GFI1: variants seen among roughly 807,000 people sequenced by gnomAD.
GFI1 encodes the protein zinc finger protein Gfi-1.
Under a neutral mutation model 39.2 loss-of-function variants are expected in GFI1, and 15 were observed. That is an observed-to-expected ratio of 0.38 (90% CI 0.26 to 0.59). GFI1 has a LOEUF of 0.59. GFI1 is among the 20% of genes least tolerant of loss of function. The pLI is 0.62. For missense variants in GFI1, 475 were observed against 574.0 expected, an observed-to-expected ratio of 0.83 and a Z score of 1.76; for synonymous variants, 239 against 254.3, an observed-to-expected ratio of 0.94 and a Z score of 0.57.
In GFI1 at chr1:92,478,501, C is replaced by T. The variant is rs545182784; in HGVS notation, c.1090+87G>A. On this transcript the variant is annotated intron_variant, in intron 6 of 6. Coordinates refer to ENST00000294702, the MANE Select transcript of GFI1 (RefSeq NM_005263.5). ...ATAACTCCATCAGAAAGGCCTCATC[C>T]ACCACTCACTGGGGCCAGAAATCAG... 7 of 1,142,842 alleles carry T rather than the reference C, an allele frequency of 6.1e-6. No homozygotes were observed. The Middle Eastern group carries it at 5.9e-4, about 96-fold the overall frequency. The allele number at this position is 1,142,842 out of a possible 1,614,324, so 70.8% of individuals were successfully genotyped here.
At position 92,473,415 on chromosome 1, in the gene GFI1, T is replaced by G. The variant is rs1657818288; in HGVS notation, c.*2614A>C. On this transcript the variant is annotated 3_prime_UTR_variant, in exon 7 of 7. Coordinates refer to ENST00000294702, the MANE Select transcript of GFI1 (RefSeq NM_005263.5). Reference sequence around the variant, plus strand: ...GGGTGACTTCTGTGGGAAGGATGTTTTTGTCATTTTCATTCACTGGGAGGA... The same window carrying G: ...GGGTGACTTCTGTGGGAAGGATGTTGTTGTCATTTTCATTCACTGGGAGGA... Among the ~76,000 whole-genome samples, 1 of 152,138 alleles carries G rather than the reference T, an allele frequency of 6.6e-6. No individual in the cohort carries two copies. Among genetic ancestry groups the G allele is most frequent in the Non-Finnish European group, 1.5e-5 (1 of 68,024 alleles).
In GFI1 at chr1:92,484,893, C is replaced by T. The variant is rs1340386701; in HGVS notation, c.-99-1307G>A. Among the ~76,000 whole-genome samples, 1 of 152,220 alleles carries T rather than the reference C, an allele frequency of 6.6e-6. No homozygotes were observed. The highest frequency in any genetic ancestry group is 6.5e-5 in the Admixed American group (1 of 15,292). ...AACGAGGGTGCTGGGAACTCTGGGC[C>T]GGGGCAGGACCTGCAGTCCTCCGGC... On this transcript the variant is annotated intron_variant, in intron 1 of 6. Transcript: ENST00000294702. This position sits in a 1 kb window ranked among gnomAD's most constrained non-coding sequence, Gnocchi z 4.1.
At chr1:92,479,907 G>T (rs1391854877) in intron 5 of GFI1, among the ~76,000 whole-genome samples, 1 of 151,916 alleles carries the variant, frequency 6.6e-6, no homozygotes, top group Non-Finnish European at 1.5e-5. Context: ...AATGAATAGC[G>T]GGGTGAATAT....
chr1:92,483,835 C>A, intron 1 of GFI1: 1 of 376,644 alleles, frequency 2.7e-6, no homozygotes. Context: ...TGTCTCAGGC[C>A]CCTTTCCTCC....
rs1049762864 is a variant in GFI1, at chr1:92,484,253, C to A, written c.-99-667G>T. On this transcript the variant is annotated intron_variant, in intron 1 of 6. Coordinates refer to ENST00000294702, the MANE Select transcript of GFI1 (RefSeq NM_005263.5). The surrounding 1 kb of genome is among the most constrained non-coding windows in gnomAD (Gnocchi z 4.1). ...GTGAGGGGAACAACAGACGACCAAC[C>A]CCCGCCCCAGGAGAAACTCGCATCT... Among the ~76,000 whole-genome samples, 3 of 152,262 alleles carry A rather than the reference C, an allele frequency of 2.0e-5. No homozygotes were observed. Among genetic ancestry groups the A allele is most frequent in the African/African-American group, 7.2e-5 (3 of 41,554 alleles).
intron 2 of GFI1, 112 bp from the exon 3 acceptor site, chr1:92,483,158 C>A (rs1483100022): frequency 1.9e-6 from 2 of 1,042,602 alleles, no homozygotes; most frequent in Non-Finnish European, 2.7e-6. Flanking sequence ...CCCTCTCCAC[C>A]CAGACCCCGG....
rs1429259721 is a variant in GFI1 at position 92,475,999 on chromosome 1, G to A, written c.*30C>T. On this transcript the variant is annotated 3_prime_UTR_variant, in exon 7 of 7. Coordinates refer to ENST00000294702, the MANE Select transcript of GFI1 (RefSeq NM_005263.5). ...GGGAGGCTGCCCTCTGTAGTGTTGT[G>A]TAGCTGCTGCTTGCAGCCAGCCAGG... 3 of 1,607,498 alleles carry A rather than the reference G, an allele frequency of 1.9e-6. No individual in the cohort carries two copies. Among genetic ancestry groups the A allele is most frequent in the East Asian group, 2.2e-5 (1 of 44,824 alleles).
At position 92,476,226 on chromosome 1, in the gene GFI1, G is replaced by A. The variant is rs780813908; in HGVS notation, c.1091-19C>T. 6.2e-7 allele frequency: 1 copy of A among 1,604,784 alleles called. No individual in the cohort carries two copies. The highest frequency in any genetic ancestry group is 8.5e-7 in the Non-Finnish European group (1 of 1,174,488). ...TTCTCACCTGTGGGGATGGGAGGGG[G>A]AGGGGAGAAAGTATGAGTCTATGAT... On this transcript the variant is annotated intron_variant, in intron 6 of 6. Coordinates refer to ENST00000294702, the MANE Select transcript of GFI1 (RefSeq NM_005263.5).
intron 6 of GFI1, among the ~76,000 whole-genome samples, chr1:92,477,312 G>A (rs983102850): frequency 6.6e-6 from 1 of 152,202 alleles, no homozygotes; most frequent in Non-Finnish European, 1.5e-5. Flanking sequence ...TAAGTGTCCT[G>A]AATACCTTAC....
At position 92,475,737 on chromosome 1, in the gene GFI1, G is replaced by T. The variant is rs1175951863; in HGVS notation, c.*292C>A. 1 of 456,488 alleles carries T rather than the reference G, an allele frequency of 2.2e-6. No individual in the cohort carries two copies. The highest frequency in any genetic ancestry group is 3.4e-5 in the Admixed American group (1 of 29,428). 28.3% of individuals were successfully genotyped at this position (456,488 alleles called of 1,614,324 possible). On this transcript the variant is annotated 3_prime_UTR_variant, in exon 7 of 7. Coordinates refer to ENST00000294702, the MANE Select transcript of GFI1 (RefSeq NM_005263.5). Reference sequence around the variant, plus strand: ...ACTGTGGGGTCTAAGATTTATTCTGGTCCCCATTTGACTTTGCCTTTGTCT... The same window carrying T: ...ACTGTGGGGTCTAAGATTTATTCTGTTCCCCATTTGACTTTGCCTTTGTCT...
intron 2 of GFI1, 25 bp downstream of exon 2, chr1:92,483,348 C>A: frequency 7.4e-7 from 1 of 1,344,772 alleles, no homozygotes. Context: ...GGAGCAGCCC[C>A]GCCTGGCCCG....
chr1:92,480,879 G>A lies in GFI1; in HGVS notation c.508C>T (p.Pro170Ser). 1 of 1,518,188 alleles carries A rather than the reference G, an allele frequency of 6.6e-7. No individual in the cohort carries two copies. 94.0% of individuals were successfully genotyped at this position (1,518,188 alleles called of 1,614,324 possible). A position where few individuals can be genotyped will look rare whatever the true frequency, so the allele number is the denominator to read the frequency against. Residue 170 changes from proline (P) to serine (S), a missense_variant, in exon 4 of 7, where the codon CCG (proline) becomes TCG (serine). Transcript: ENST00000294702. This position sits in a 1 kb window ranked among gnomAD's most constrained non-coding sequence, Gnocchi z 5.6. ...EPGHPAALYGPKRAAGGAGAG... is the reference protein window; with the variant it reads ...EPGHPAALYGSKRAAGGAGAG... Reference sequence around the variant, plus strand: ...CCCGCGCCGCCGGCAGCCCGCTTCGGGCCGTACAGCGCGGCCGGGTGGCCA... The same window carrying A: ...CCCGCGCCGCCGGCAGCCCGCTTCGAGCCGTACAGCGCGGCCGGGTGGCCA...
rs1238476843 is a variant in GFI1 at position 92,475,229 on chromosome 1, A to C, written c.*800T>G. ...CTAGCATGGTGCCTGGTACCTTGGT[A>C]GCCGGTGATCCATGAACATTTGCTG... On this transcript the variant is annotated 3_prime_UTR_variant, in exon 7 of 7. Transcript: ENST00000294702. The C allele has an allele frequency of 6.6e-6, 1 of 152,288 alleles. No homozygotes were observed. The highest frequency in any genetic ancestry group is 1.5e-5 in the Non-Finnish European group (1 of 68,116). The allele number at this position is 152,288 out of a possible 1,614,324, so 9.4% of individuals were successfully genotyped here.
rs1367832302 is a variant in GFI1 at position 92,474,780 on chromosome 1, T to C, written c.*1249A>G. 6.6e-6 allele frequency: 1 copy of C among 152,642 alleles called. No homozygotes were observed. Among genetic ancestry groups the C allele is most frequent in the Non-Finnish European group, 1.5e-5 (1 of 68,048 alleles). 9.5% of individuals were successfully genotyped at this position (152,642 alleles called of 1,614,324 possible). A position where few individuals can be genotyped will look rare whatever the true frequency, so the allele number is the denominator to read the frequency against. ...AATCTGTAATACTCTTAATACTTTA[T>C]TAACTTAAAACATCACTCTAATAAA... On this transcript the variant is annotated 3_prime_UTR_variant, in exon 7 of 7. Transcript: ENST00000294702.
chr1:92,480,255 A>T lies in GFI1; in HGVS notation c.924+93T>A. ...GAGGAAACTGGGGGAAGTCGAGGAG[A>T]AAACTTCCAGGCAGAGAGTGGCTGG... is the stretch of plus-strand genomic sequence containing the variant. On this transcript the variant is annotated intron_variant, in intron 5 of 6. Transcript: ENST00000294702. This position sits in a 1 kb window ranked among gnomAD's most constrained non-coding sequence, Gnocchi z 5.6. The T allele has an allele frequency of 7.2e-7, 1 of 1,390,356 alleles. No individual in the cohort carries two copies. The highest frequency in any genetic ancestry group is 9.8e-7 in the Non-Finnish European group (1 of 1,015,740). The allele number at this position is 1,390,356 out of a possible 1,614,324, so 86.1% of individuals were successfully genotyped here.
At chr1:92,478,566 G>A (rs764527821) in intron 6 of GFI1, 22 bp downstream of exon 6, 1 of 1,610,464 alleles carries the variant, frequency 6.2e-7, no homozygotes, top group South Asian at 1.1e-5. Context: ...TTTCCTACAA[G>A]CCAAGGGCCT....
rs185451855 is a variant in GFI1, at chr1:92,474,577, C to G, written c.*1452G>C. Reference sequence around the variant, plus strand: ...ATGAAAGAAGATGAAAGAAGTATCTCTGAGGTGTAGCAGCAAAGGAGAAAG... The same window carrying G: ...ATGAAAGAAGATGAAAGAAGTATCTGTGAGGTGTAGCAGCAAAGGAGAAAG... On this transcript the variant is annotated 3_prime_UTR_variant, in exon 7 of 7. Transcript: ENST00000294702. Among the ~76,000 whole-genome samples the G allele has an allele frequency of 6.6e-6, 1 of 152,330 alleles. No individual in the cohort carries two copies. The highest frequency in any genetic ancestry group is 1.9e-4 in the East Asian group (1 of 5,196).
chr1:92,479,378 C>T (rs1034106668), intron 5 of GFI1, among the ~76,000 whole-genome samples: 2 of 152,096 alleles, frequency 1.3e-5, no homozygotes, highest in African/African-American at 4.8e-5. Context: ...TTTTAGCCTT[C>T]GTAAGTAGGC....
Position 92,482,971 on chromosome 1 carries a change from G to T in GFI1, c.191C>A (p.Ala64Asp), listed in dbSNP as rs1658344685. The T allele has an allele frequency of 2.5e-6, 4 of 1,612,904 alleles. No individual in the cohort carries two copies. The highest frequency in any genetic ancestry group is 3.4e-6 in the Non-Finnish European group (4 of 1,179,400). Residue 64 changes from alanine to aspartate, a missense_variant, in exon 3 of 7, where the codon GCC (alanine) becomes GAC (aspartate). Around this residue, in one of 4 missense-constraint regions of GFI1, gnomAD observed 275 missense variants for 275.8 expected, o/e 1.00. Coordinates refer to ENST00000294702, the MANE Select transcript of GFI1 (RefSeq NM_005263.5). This position sits in a 1 kb window ranked among gnomAD's most constrained non-coding sequence, Gnocchi z 4.4. ...TGGGGATGCGGAGGCTCTGTCTGGGGCTTCGGTCAGCTGCGATTCGGGGGA... is the reference window on the plus strand; with the variant it reads ...TGGGGATGCGGAGGCTCTGTCTGGGTCTTCGGTCAGCTGCGATTCGGGGGA... The part of the protein sequence containing the change: ...RLSPESQLTE[A>D]PDRASASPDS...
Sources: gnomAD v4.1 joint callset for allele counts (sites outside exome capture counted in the v4.1 genomes callset) on GRCh38, gnomAD v4.1.1 for gene constraint, gnomAD v4.1.1 regional missense constraint, Gnocchi (gnomAD v3.1) non-coding constraint, MANE v1.5 for transcripts, NCBI Gene and HGNC (gene_info 2026-07-23, HGNC 2026-07-21) for gene names.